Variants in RRN3 observed in about 807,000 individuals in gnomAD.
The protein encoded by RRN3 is RNA polymerase I-specific transcription initiation factor RRN3.
In RRN3, 38 loss-of-function variants were observed where a neutral mutation model predicts 82.3. The observed-to-expected ratio is 0.46, with a 90% confidence interval of 0.36 to 0.61. RRN3 has a LOEUF of 0.61. Among genes scored for constraint, RRN3 ranks in the 20% least tolerant of loss-of-function variants. The pLI is 0.00. For synonymous variants in RRN3, 284 were observed against 284.3 expected (o/e 1.00, Z 0.01); for missense variants, 726 against 793.1 (o/e 0.92, Z 1.02).
intron 11 of RRN3, among the ~76,000 whole-genome samples, chr16:15,073,349 T>C (rs1330668958): frequency 1.3e-5 from 2 of 152,060 alleles, no homozygotes; most frequent in East Asian, 1.9e-4. Flanking sequence ...CCCAGCTACA[T>C]GGGAGGCTGA....
intron 11 of RRN3, among the ~76,000 whole-genome samples, chr16:15,073,791 CT>C (rs577891075): frequency 1.0e-4 from 15 of 148,652 alleles, no homozygotes; most frequent in East Asian, 5.9e-4. Context: ...ATTATTACGA[CT>C]TTTTTTTTTA....
intron 2 of RRN3, 115 bp downstream of exon 2, chr16:15,092,394 T>G (rs2046170172): frequency 4.3e-6 from 3 of 699,984 alleles, no homozygotes; most frequent in Non-Finnish European, 7.7e-6. Flanking sequence ...TATTAAATAT[T>G]TGATTTCAAC....
At position 15,070,171 on chromosome 16, in the gene RRN3, C is replaced by T; in HGVS notation, c.1343G>A (p.Cys448Tyr). 1 of 1,609,746 alleles carries T rather than the reference C, an allele frequency of 6.2e-7. No homozygotes were observed. The highest frequency in any genetic ancestry group is 8.5e-7 in the Non-Finnish European group (1 of 1,178,768). The change falls in exon 14 of 18, where the codon TGC becomes TAC. Residue 448 changes from cysteine to tyrosine, a missense_variant. Transcript: ENST00000198767. ...NNQDSGTKAF[C>Y]DVALHGPFYS... ...AAATGGTCCATGGAGAGCAACATCG[C>T]AGAATGCCTTTGTTCCCGAATCCTG... is the stretch of plus-strand genomic sequence containing the variant.
chr16:15,065,235 G>C lies in RRN3; in HGVS notation c.1690C>G (p.Pro564Ala). ...NPLDTFFPFDPCVLKRSKKFI... is the reference protein window; with the variant it reads ...NPLDTFFPFDACVLKRSKKFI... ...AGTACCTACCTCTTCAGCACACAGG[G>C]ATCAAAGGGGAAGAAGGTGTCCAGC... The change falls in exon 16 of 18, where the codon CCC becomes GCC. Residue 564 changes from proline to alanine, a missense_variant. Physicochemically the swap from Pro to Ala is conservative, Grantham distance 27. Transcript: ENST00000198767. The C allele has an allele frequency of 6.2e-7, 1 of 1,613,554 alleles. No homozygotes were observed. Among genetic ancestry groups the C allele is most frequent in the Non-Finnish European group, 8.5e-7 (1 of 1,179,716 alleles).
intron 11 of RRN3, 118 bp from the exon 12 acceptor site, chr16:15,073,198 G>A (rs143716552): frequency 0.013 from 15,265 of 1,150,228 alleles, 147 homozygotes; most frequent in South Asian, 0.016. Flanking sequence ...AAGCACAGTG[G>A]CTCCTGCCTG....
At chr16:15,088,874 T>G (rs559292498) in intron 3 of RRN3, among the ~76,000 whole-genome samples, 11 of 151,994 alleles carry the variant, frequency 7.2e-5, no homozygotes, top group Non-Finnish European at 1.3e-4. Context: ...GGAAATGGAC[T>G]CAATGAAGGA....
chr16:15,089,832 C>T (rs1289621496), intron 3 of RRN3, among the ~76,000 whole-genome samples: 1 of 137,170 alleles, frequency 7.3e-6, no homozygotes, highest in East Asian at 2.2e-4. Flanking sequence ...GATCAGGAGA[C>T]AGGAGGATCA....
chr16:15,061,945 C>A (rs753143986), intron 17 of RRN3, 40 bp from the exon 18 acceptor site: 1 of 1,565,680 alleles, frequency 6.4e-7, no homozygotes, highest in Non-Finnish European at 8.8e-7. Context: ...ATCACCAGTG[C>A]TGACTGAAAA....
At chr16:15,093,460 T>C (rs1458346652) in intron 1 of RRN3, among the ~76,000 whole-genome samples, 1 of 152,292 alleles carries the variant, frequency 6.6e-6, no homozygotes, top group African/African-American at 2.4e-5. Flanking sequence ...GTACTGCCTT[T>C]CCCCCCTATG....
chr16:15,066,629 T>A (rs1597883829), intron 15 of RRN3, among the ~76,000 whole-genome samples: 1 of 141,088 alleles, frequency 7.1e-6, no homozygotes, highest in South Asian at 2.2e-4. Flanking sequence ...CAAGACCTTG[T>A]CTCAAATAAA....
chr16:15,076,475 A>C, intron 10 of RRN3, 83 bp downstream of exon 10: 1 of 941,986 alleles, frequency 1.1e-6, no homozygotes, highest in East Asian at 2.4e-5. Flanking sequence ...TTCAATCTAA[A>C]GCCTTAACAA....
chr16:15,075,787 C>T (rs756540086), intron 10 of RRN3, among the ~76,000 whole-genome samples: 7 of 152,130 alleles, frequency 4.6e-5, no homozygotes, highest in South Asian at 4.1e-4. Flanking sequence ...CCCACCATGG[C>T]GGGTGCTTTT....
intron 2 of RRN3, among the ~76,000 whole-genome samples, chr16:15,092,065 C>T (rs1225937139): frequency 1.3e-5 from 2 of 151,968 alleles, no homozygotes. Context: ...TGTAACCCCA[C>T]CTATTCGGAA....
intron 10 of RRN3, 58 bp from the exon 11 acceptor site, chr16:15,074,919 T>A: frequency 6.7e-7 from 1 of 1,502,852 alleles, no homozygotes; most frequent in South Asian, 1.2e-5. Context: ...AGTGGTTTAG[T>A]AGGAAAACTG....
intron 9 of RRN3, among the ~76,000 whole-genome samples, chr16:15,077,610 G>A (rs1438576985): frequency 1.3e-5 from 2 of 152,188 alleles, no homozygotes; most frequent in Non-Finnish European, 2.9e-5. Flanking sequence ...GGGAGGCCGA[G>A]GTGGACGGAT....
chr16:15,087,490 G>A (rs1374501188), intron 3 of RRN3, among the ~76,000 whole-genome samples: 2 of 152,200 alleles, frequency 1.3e-5, no homozygotes. Context: ...TATATGCGGA[G>A]AAGAAGCTGT....
intron 6 of RRN3, among the ~76,000 whole-genome samples, chr16:15,085,417 C>G (rs938144782): frequency 6.6e-6 from 1 of 152,082 alleles, no homozygotes; most frequent in African/African-American, 2.4e-5. Flanking sequence ...TCCCAGGTAG[C>G]TGTGACTAAA....
At chr16:15,086,327 A>G (rs758117477) in intron 4 of RRN3, 38 bp downstream of exon 4, 2 of 1,611,374 alleles carry the variant, frequency 1.2e-6, no homozygotes, top group South Asian at 1.1e-5. Context: ...CAAAGTTCTG[A>G]ATTACATACT....
Position 15,065,260 on chromosome 16 carries a change from C to T in RRN3, c.1665G>A (p.Pro555=), listed in dbSNP as rs144204174. Residue 555 remains proline (P), a synonymous_variant, in exon 16 of 18, where the codon CCG becomes CCA. Coordinates refer to ENST00000198767, the MANE Select transcript of RRN3 (RefSeq NM_018427.5). ...GGDSVQICTN[P]LDTFFPFDPC... ...GATCAAAGGGGAAGAAGGTGTCCAG[C>T]GGGTTTGTGCAGATCTGCACTGAGT... The T allele has an allele frequency of 5.6e-5, 90 of 1,613,600 alleles. 1 individual carries two copies. Among genetic ancestry groups the T allele is most frequent in the South Asian group, 1.2e-4 (11 of 91,064 alleles).
Sources: allele counts gnomAD v4.1 joint callset (sites outside exome capture counted in the v4.1 genomes callset), GRCh38; gene constraint gnomAD v4.1.1; transcripts MANE v1.5; gene names NCBI Gene and HGNC (gene_info 2026-07-23, HGNC 2026-07-21).